The following ANXA10 variants were observed in gnomAD, a reference collection of about 807,000 sequenced individuals.
ANXA10 encodes annexin 14.
A neutral mutation model predicts 53.5 loss-of-function variants in ANXA10; 49 were observed. The observed-to-expected ratio is 0.92, with a 90% CI of 0.73 to 1.16. The LOEUF (loss-of-function observed/expected upper bound fraction) is 1.16. Ranked by LOEUF, ANXA10 falls within the 50% of genes most tolerant of loss-of-function variation. The pLI is 0.00. For missense variants in ANXA10, 393 were observed against 394.4 expected, an observed-to-expected ratio of 1.00 and a Z score of 0.03; for synonymous variants, 131 against 128.9, an observed-to-expected ratio of 1.02 and a Z score of -0.11.
intron 6 of ANXA10, among the ~76,000 whole-genome samples, chr4:168,165,702 A>C (rs986664738): frequency 1.3e-5 from 2 of 152,020 alleles, no homozygotes; most frequent in Non-Finnish European, 2.9e-5. Flanking sequence ...TTTTTGAGAC[A>C]GTCTCGCTCT....
chr4:168,140,638 G>T (rs1293542576), intron 3 of ANXA10, among the ~76,000 whole-genome samples: 5 of 149,078 alleles, frequency 3.4e-5, no homozygotes, highest in Non-Finnish European at 7.4e-5. Context: ...TTTTCTTTGA[G>T]ATGGAGTTTC....
At chr4:168,153,493 A>ACAG (rs111707904) in intron 3 of ANXA10, among the ~76,000 whole-genome samples, 41,380 of 140,584 alleles carry the variant, frequency 0.29, 6,412 homozygotes, top group South Asian at 0.38. Context: ...ACAAAATAAG[A>ACAG]CAGGTTGGAC....
At chr4:168,104,254 G>C (rs1011519962) in intron 1 of ANXA10, among the ~76,000 whole-genome samples, 5 of 151,862 alleles carry the variant, frequency 3.3e-5, no homozygotes, top group Admixed American at 1.3e-4. Flanking sequence ...ACACAACTAA[G>C]TTGTACTACA....
chr4:168,158,577 G>A (rs1731728515), intron 3 of ANXA10, among the ~76,000 whole-genome samples: 1 of 152,172 alleles, frequency 6.6e-6, no homozygotes, highest in East Asian at 1.9e-4. Flanking sequence ...TATAGCTCTA[G>A]TACAAATTGA....
intron 3 of ANXA10, among the ~76,000 whole-genome samples, chr4:168,153,045 T>C (rs2149474537): frequency 6.6e-6 from 1 of 152,058 alleles, no homozygotes. Flanking sequence ...GGCTTCGCCA[T>C]CCTGCCCAGT....
intron 6 of ANXA10, among the ~76,000 whole-genome samples, chr4:168,166,317 T>C (rs1197873323): frequency 6.6e-6 from 1 of 152,136 alleles, no homozygotes; most frequent in East Asian, 1.9e-4. Context: ...TACTTCAAGT[T>C]AAAAATAGAT....
chr4:168,175,662 G>C (rs1038544888), intron 6 of ANXA10, among the ~76,000 whole-genome samples: 1 of 152,116 alleles, frequency 6.6e-6, no homozygotes, highest in South Asian at 2.1e-4. Context: ...TTAATACACA[G>C]ATTTCAAAAT....
intron 3 of ANXA10, among the ~76,000 whole-genome samples, chr4:168,155,274 G>C (rs905296402): frequency 7.3e-6 from 1 of 137,802 alleles, no homozygotes; most frequent in Non-Finnish European, 1.5e-5. Flanking sequence ...TCAAAGCCTT[G>C]CCCTTATATT....
chr4:168,153,833 T>C (rs1407675645), intron 3 of ANXA10, among the ~76,000 whole-genome samples: 2 of 152,300 alleles, frequency 1.3e-5, no homozygotes, highest in Middle Eastern at 3.4e-3. Context: ...AGCTGGTATT[T>C]TGCACTGTGA....
At chr4:168,143,754 A>T (rs1156731812) in intron 3 of ANXA10, among the ~76,000 whole-genome samples, 3 of 152,172 alleles carry the variant, frequency 2.0e-5, no homozygotes, top group African/African-American at 7.2e-5. Context: ...GGTTTCTGTC[A>T]TTCATTTAAC....
chr4:168,124,525 G>C (rs745345704), intron 1 of ANXA10, among the ~76,000 whole-genome samples: 2 of 152,138 alleles, frequency 1.3e-5, no homozygotes, highest in African/African-American at 2.4e-5. Flanking sequence ...TGAGTCACAG[G>C]AATATGTTAC....
At chr4:168,177,289 C>G (rs1732148365) in intron 6 of ANXA10, among the ~76,000 whole-genome samples, 1 of 152,118 alleles carries the variant, frequency 6.6e-6, no homozygotes, top group Non-Finnish European at 1.5e-5. Context: ...ACAAAATATT[C>G]TCACTGCACA....
chr4:168,122,357 T>C (rs1407172564), intron 1 of ANXA10, among the ~76,000 whole-genome samples: 2 of 152,310 alleles, frequency 1.3e-5, no homozygotes, highest in Middle Eastern at 3.4e-3. Flanking sequence ...CTGGATTGTC[T>C]AGAAAGTAAT....
chr4:168,187,604 A>G lies in ANXA10; in HGVS notation c.*170A>G, dbSNP rs1732396342. 2.4e-6 allele frequency: 1 copy of G among 419,006 alleles called. No homozygotes were observed. The highest frequency in any genetic ancestry group is 4.3e-6 in the Non-Finnish European group (1 of 234,554). The allele number at this position is 419,006 out of a possible 1,614,324, so 26.0% of individuals were successfully genotyped here. ...CAAAGAAAACTATGAATGAAAGTAT[A>G]TGATACTGAATTTGCCTACTATCCT... On this transcript the variant is annotated 3_prime_UTR_variant, in exon 12 of 12. Coordinates refer to ENST00000359299, the MANE Select transcript of ANXA10 (RefSeq NM_007193.5).
intron 1 of ANXA10, among the ~76,000 whole-genome samples, chr4:168,119,535 T>C (rs557301486): frequency 4.6e-5 from 7 of 152,298 alleles, no homozygotes; most frequent in Admixed American, 1.3e-4. Flanking sequence ...CTACATGGTT[T>C]ATAGGTACCT....
At chr4:168,147,041 T>C (rs1228969174) in intron 3 of ANXA10, among the ~76,000 whole-genome samples, 16 of 152,172 alleles carry the variant, frequency 1.1e-4, no homozygotes, top group Admixed American at 8.5e-4. Flanking sequence ...GGGCAACAGA[T>C]TGAGGTCCCC....
chr4:168,124,978 T>C (rs1413233233), intron 1 of ANXA10, among the ~76,000 whole-genome samples: 1 of 152,098 alleles, frequency 6.6e-6, no homozygotes, highest in Non-Finnish European at 1.5e-5. Context: ...ATGAAAACTA[T>C]TGTGAGGCTA....
At chr4:168,173,875 G>A (rs1004285362) in intron 6 of ANXA10, among the ~76,000 whole-genome samples, 3 of 152,016 alleles carry the variant, frequency 2.0e-5, no homozygotes, top group Admixed American at 1.3e-4. Context: ...TTTGAGTGGT[G>A]CCTTTTTTTT....
At chr4:168,131,367 T>G (rs1731154175) in intron 2 of ANXA10, among the ~76,000 whole-genome samples, 1 of 151,990 alleles carries the variant, frequency 6.6e-6, no homozygotes, top group Non-Finnish European at 1.5e-5. Context: ...TTTAAATTGT[T>G]AAGATGTGTT....
Sources: allele counts gnomAD v4.1 joint callset (sites outside exome capture counted in the v4.1 genomes callset), GRCh38; gene constraint gnomAD v4.1.1; transcripts MANE v1.5; gene names NCBI Gene and HGNC (gene_info 2026-07-23, HGNC 2026-07-21).